The following KHDRBS2 variants were observed in gnomAD, a reference collection of about 807,000 sequenced individuals.
KHDRBS2 encodes the protein KH RNA binding domain containing, signal transduction associated 2.
KHDRBS2 carries 26 observed loss-of-function variants against 44.3 expected under a neutral mutation model. The observed-to-expected ratio is 0.59, with a 90% confidence interval of 0.43 to 0.81. The LOEUF (loss-of-function observed/expected upper bound fraction) is 0.81, where lower values mean the gene tolerates loss of function less well. Ranked by LOEUF, KHDRBS2 falls within the 40% of genes least tolerant of loss-of-function variation. KHDRBS2 has a pLI of 0.00. For missense variants in KHDRBS2, 476 were observed against 433.1 expected (o/e 1.10, Z -0.88); for synonymous variants, 194 against 151.1 (o/e 1.28, Z -2.08).
intron 2 of KHDRBS2, among the ~76,000 whole-genome samples, chr6:62,049,417 C>G (rs144397770): frequency 9.3e-5 from 14 of 151,162 alleles, no homozygotes; most frequent in Admixed American, 5.9e-4. Context: ...TATAAAGATT[C>G]TAAGAAGAAA....
At chr6:61,773,568 A>C (rs28836281) in intron 6 of KHDRBS2, among the ~76,000 whole-genome samples, 1 of 146,710 alleles carries the variant, frequency 6.8e-6, no homozygotes, top group Non-Finnish European at 1.5e-5. Context: ...AGTAGGTTGC[A>C]AAAATTTTCT....
chr6:62,196,119 G>C lies in KHDRBS2; in HGVS notation c.92-18807C>G, dbSNP rs1281661578. 3.3e-5 allele frequency among the ~76,000 whole-genome samples: 5 copies of C among 152,108 alleles called. No individual in the cohort carries two copies. In the East Asian group the frequency reaches 9.6e-4, roughly 29 times the overall value. ...AAAGAGTCAAATTTTCTAACAAATA[G>C]TTAATACTGATTTTAGAAAACAGAA... On this transcript the variant is annotated intron_variant, in intron 1 of 8. Transcript: ENST00000281156.
intron 4 of KHDRBS2, among the ~76,000 whole-genome samples, chr6:61,916,833 C>A (rs1380090464): frequency 1.3e-5 from 2 of 151,806 alleles, no homozygotes; most frequent in Admixed American, 6.6e-5. Context: ...AAAAGATGCT[C>A]AAAATCATAT....
chr6:61,575,456 A>G, the KHDRBS2 span, among the ~76,000 whole-genome samples: 1 of 152,178 alleles, frequency 6.6e-6, no homozygotes. Flanking sequence ...TCAAAAACTA[A>G]TAGATGTTGG....
chr6:62,242,786 G>A (rs1834903430), intron 1 of KHDRBS2, among the ~76,000 whole-genome samples: 1 of 152,136 alleles, frequency 6.6e-6, no homozygotes, highest in South Asian at 2.1e-4. Context: ...TTTCAGAACT[G>A]ATGCTTTTCT....
chr6:62,008,671 G>C (rs1036128789), intron 3 of KHDRBS2, among the ~76,000 whole-genome samples: 2 of 152,102 alleles, frequency 1.3e-5, no homozygotes, highest in Non-Finnish European at 2.9e-5. Flanking sequence ...GAACCCCATG[G>C]GAGATGATTG....
intron 3 of KHDRBS2, among the ~76,000 whole-genome samples, chr6:62,010,810 G>T (rs2127268997): frequency 6.6e-6 from 1 of 152,072 alleles, no homozygotes; most frequent in South Asian, 2.1e-4. Flanking sequence ...AATGAAACCT[G>T]CTTTTTTAAA....
chr6:61,614,103 T>G, the KHDRBS2 span, among the ~76,000 whole-genome samples: 2 of 152,202 alleles, frequency 1.3e-5, no homozygotes, highest in Non-Finnish European at 2.9e-5. Flanking sequence ...ATTTTGAACT[T>G]GAGAGAATGA....
At chr6:62,168,909 G>A (rs1368650323) in intron 2 of KHDRBS2, among the ~76,000 whole-genome samples, 3 of 151,350 alleles carry the variant, frequency 2.0e-5, no homozygotes, top group East Asian at 2.0e-4. Context: ...GTATTATGAT[G>A]CTGACTGTAA....
At chr6:61,639,494 C>G in the KHDRBS2 span, among the ~76,000 whole-genome samples, 1 of 152,112 alleles carries the variant, frequency 6.6e-6, no homozygotes, top group African/African-American at 2.4e-5. Context: ...TCTTGAATTG[C>G]TGGTCACTGT....
intron 5 of KHDRBS2, among the ~76,000 whole-genome samples, chr6:61,900,803 A>G (rs1461308313): frequency 2.0e-5 from 3 of 152,214 alleles, no homozygotes; most frequent in Non-Finnish European, 1.5e-5. Context: ...GAAAAAGTTT[A>G]TAGTTTTCTC....
intron 2 of KHDRBS2, among the ~76,000 whole-genome samples, chr6:62,095,059 T>C (rs1410977209): frequency 6.6e-6 from 1 of 151,874 alleles, no homozygotes; most frequent in African/African-American, 2.4e-5. Flanking sequence ...TTTTGGTCCA[T>C]ACGAATTATA....
intron 2 of KHDRBS2, among the ~76,000 whole-genome samples, chr6:62,119,396 G>A (rs2150081270): frequency 6.6e-6 from 1 of 152,260 alleles, no homozygotes; most frequent in East Asian, 1.9e-4. Context: ...CTAACTCATG[G>A]TTCCAGAAGC....
chr6:61,741,837 T>C (rs547135899), intron 6 of KHDRBS2, among the ~76,000 whole-genome samples: 1 of 152,102 alleles, frequency 6.6e-6, no homozygotes, highest in African/African-American at 2.4e-5. Context: ...TGAAATGTCA[T>C]TCTGACTCTG....
At chr6:62,042,556 A>G (rs537313882) in intron 3 of KHDRBS2, among the ~76,000 whole-genome samples, 2 of 152,196 alleles carry the variant, frequency 1.3e-5, no homozygotes, top group African/African-American at 4.8e-5. Context: ...ACAAGCAATG[A>G]GCATGACTTC....
At chr6:61,768,838 T>G (rs1158064978) in intron 6 of KHDRBS2, among the ~76,000 whole-genome samples, 1 of 152,100 alleles carries the variant, frequency 6.6e-6, no homozygotes, top group Non-Finnish European at 1.5e-5. Flanking sequence ...AAAGTGCTTT[T>G]TTGTGTAAAC....
In KHDRBS2 at chr6:62,200,198, T is replaced by C. The variant is rs560780467; in HGVS notation, c.92-22886A>G. Among the ~76,000 whole-genome samples the C allele has an allele frequency of 4.3e-4, 65 of 151,700 alleles. 2 individuals carry two copies. The highest frequency in any genetic ancestry group is 1.5e-3 in the African/African-American group (61 of 41,210). On this transcript the variant is annotated intron_variant, in intron 1 of 8. Transcript: ENST00000281156. ...GGGCAAGGACTTCATGTCTAAAATA[T>C]CAAAAGCAATGGCAACAGAAGCCAA...
chr6:62,239,584 TG>T (rs1834254555), intron 1 of KHDRBS2, among the ~76,000 whole-genome samples: 1 of 7,504 alleles, frequency 1.3e-4, no homozygotes, highest in Non-Finnish European at 2.4e-4. Flanking sequence ...ATTAAATAAA[TG>T]AATGAATAAA....
chr6:62,155,338 A>G (rs1189725749), intron 2 of KHDRBS2, among the ~76,000 whole-genome samples: 4 of 152,250 alleles, frequency 2.6e-5, no homozygotes, highest in African/African-American at 9.6e-5. Flanking sequence ...GAATGTGTTG[A>G]GTTTGAGCCA....
Sources: gnomAD v4.1 joint callset for allele counts (sites outside exome capture counted in the v4.1 genomes callset) on GRCh38, gnomAD v4.1.1 for gene constraint, MANE v1.5 for transcripts, NCBI Gene and HGNC (gene_info 2026-07-23, HGNC 2026-07-21) for gene names.